Variants in STIMATE observed in about 807,000 individuals in gnomAD.
STIMATE encodes the protein STIM activating enhancer, also known as store-operated calcium entry regulator STIMATE.
STIMATE carries 15 observed loss-of-function variants against 36.7 expected under a neutral mutation model. The ratio of observed to expected loss-of-function variants is 0.41; its 90% CI spans 0.27 to 0.63. The LOEUF (loss-of-function observed/expected upper bound fraction) is 0.63, where lower values mean the gene tolerates loss of function less well. STIMATE is among the 20% of genes least tolerant of loss of function. The pLI is 0.32. For synonymous variants in STIMATE, 163 were observed against 162.3 expected (o/e 1.00, Z -0.03); for missense variants, 305 against 397.3 (o/e 0.77, Z 1.98).
chr3:52,850,455 C>T (rs998661428), intron 3 of STIMATE, among the ~76,000 whole-genome samples: 2 of 38,692 alleles, frequency 5.2e-5, no homozygotes, highest in African/African-American at 1.1e-4. Context: ...AAACAAAAAC[C>T]TGCCAGTGCT....
chr3:52,888,376 C>T (rs553439446), intron 1 of STIMATE, among the ~76,000 whole-genome samples: 3 of 152,356 alleles, frequency 2.0e-5, no homozygotes, highest in African/African-American at 7.2e-5. Context: ...ACTGGATGCA[C>T]ATAAACTGAG....
intron 1 of STIMATE, among the ~76,000 whole-genome samples, chr3:52,876,841 G>A (rs994139972): frequency 6.6e-6 from 1 of 152,200 alleles, no homozygotes; most frequent in Non-Finnish European, 1.5e-5. Context: ...TGGGGAGTCA[G>A]AAGTTATATG....
At chr3:52,886,593 G>T (rs1040396915) in intron 1 of STIMATE, among the ~76,000 whole-genome samples, 1 of 152,228 alleles carries the variant, frequency 6.6e-6, no homozygotes, top group African/African-American at 2.4e-5. Flanking sequence ...TCAAAAACTG[G>T]CTGGAGGACC....
intron 1 of STIMATE, among the ~76,000 whole-genome samples, chr3:52,881,079 C>T (rs542102060): frequency 3.3e-5 from 5 of 151,666 alleles, no homozygotes; most frequent in Admixed American, 2.0e-4. Flanking sequence ...CCCAGCTACT[C>T]GGGAGGCTGA....
rs750221962 is a variant in STIMATE, at chr3:52,897,325, C to G, written c.126G>C (p.Gly42=). The G allele has an allele frequency of 3.5e-5, 55 of 1,552,562 alleles. No individual in the cohort carries two copies. Among genetic ancestry groups the G allele is most frequent in the Non-Finnish European group, 4.3e-5 (50 of 1,156,984 alleles). The change falls in exon 1 of 8, where the codon GGG becomes GGC. Residue 42 remains glycine, a synonymous_variant. Coordinates refer to ENST00000355083, the MANE Select transcript of STIMATE (RefSeq NM_198563.5). The part of the protein sequence containing the change: ...LMHSFGIFLQ[G]LLGVVAFSTL... Reference sequence around the variant, plus strand: ...TGCTGAAGGCCACGACGCCGAGCAGCCCCTGCAGGAAGATGCCGAAGCTGT... The same window carrying G: ...TGCTGAAGGCCACGACGCCGAGCAGGCCCTGCAGGAAGATGCCGAAGCTGT...
At chr3:52,897,127 G>A (rs559228112) in intron 1 of STIMATE, among the ~76,000 whole-genome samples, 164 bp downstream of exon 1, 1 of 152,282 alleles carries the variant, frequency 6.6e-6, no homozygotes, top group African/African-American at 2.4e-5. Context: ...GAGTAGGTGA[G>A]GGGCTCGGGC....
intron 1 of STIMATE, among the ~76,000 whole-genome samples, chr3:52,894,760 C>T (rs1032503229): frequency 6.6e-6 from 1 of 152,160 alleles, no homozygotes; most frequent in African/African-American, 2.4e-5. Context: ...ATAGTGTTGG[C>T]CATCAGGACT....
At position 52,857,277 on chromosome 3, in the gene STIMATE, T is replaced by A. The variant is rs138629254; in HGVS notation, c.161-1833A>T. On this transcript the variant is annotated intron_variant, in intron 1 of 7. Coordinates refer to ENST00000355083, the MANE Select transcript of STIMATE (RefSeq NM_198563.5). ...AAGTTGTGAGGAGGTCTGTCATCTC[T>A]TTGACACATCACAGATCCCAAACCT... Among the ~76,000 whole-genome samples the A allele has an allele frequency of 6.4e-4, 97 of 152,320 alleles. 2 individuals are homozygous for A. The East Asian group carries it at 0.018, about 29-fold the overall frequency.
chr3:52,893,789 C>T (rs1177659107), intron 1 of STIMATE, among the ~76,000 whole-genome samples: 3 of 152,230 alleles, frequency 2.0e-5, no homozygotes, highest in Non-Finnish European at 4.4e-5. Context: ...TTTATCCAAG[C>T]TCTCAAAATG....
chr3:52,880,778 T>G (rs756586418), intron 1 of STIMATE, among the ~76,000 whole-genome samples: 9 of 152,226 alleles, frequency 5.9e-5, no homozygotes, highest in Non-Finnish European at 1.0e-4. Context: ...TATTAGCTTC[T>G]GTTTGACTCC....
At chr3:52,841,957 G>C (rs1248649203) in intron 7 of STIMATE, among the ~76,000 whole-genome samples, 3 of 152,222 alleles carry the variant, frequency 2.0e-5, no homozygotes, top group Non-Finnish European at 1.5e-5. Context: ...CAAGCACCTA[G>C]AGAAGACACG....
intron 1 of STIMATE, among the ~76,000 whole-genome samples, chr3:52,887,309 T>C (rs965932304): frequency 6.6e-6 from 1 of 152,158 alleles, no homozygotes; most frequent in East Asian, 1.9e-4. Flanking sequence ...GCAGCAAACT[T>C]GGACTGGAGG....
At chr3:52,842,314 C>T (rs1700811748) in intron 7 of STIMATE, among the ~76,000 whole-genome samples, 1 of 152,210 alleles carries the variant, frequency 6.6e-6, no homozygotes, top group South Asian at 2.1e-4. Flanking sequence ...GAGGTCCAAA[C>T]CCTTGAACTC....
At chr3:52,880,272 C>T (rs532688593) in intron 1 of STIMATE, among the ~76,000 whole-genome samples, 122 of 152,348 alleles carry the variant, frequency 8.0e-4, no homozygotes, top group African/African-American at 2.9e-3. Context: ...CACCAAGCCA[C>T]CTGCAGGAGA....
intron 4 of STIMATE, chr3:52,847,309 G>A: frequency 1.7e-6 from 2 of 1,189,402 alleles, no homozygotes; most frequent in Non-Finnish European, 1.1e-6. Flanking sequence ...CAGCAATAGG[G>A]GCCAAAAGGA....
chr3:52,880,131 T>C (rs1421334383), intron 1 of STIMATE, among the ~76,000 whole-genome samples: 1 of 152,130 alleles, frequency 6.6e-6, no homozygotes, highest in Non-Finnish European at 1.5e-5. Flanking sequence ...CAAGCATAGT[T>C]CATGAGATCC....
chr3:52,878,088 C>A (rs551363683), intron 1 of STIMATE, among the ~76,000 whole-genome samples: 1 of 147,762 alleles, frequency 6.8e-6, no homozygotes, highest in African/African-American at 2.5e-5. Flanking sequence ...AGCAAGACTC[C>A]GTCTTAAAAA....
chr3:52,847,079 A>C, intron 4 of STIMATE: 1 of 332,540 alleles, frequency 3.0e-6, no homozygotes, highest in Non-Finnish European at 4.3e-6. Context: ...ATTAAAAAAA[A>C]TTTTTTTTTT....
rs80115410 is a variant in STIMATE, at chr3:52,839,407, C to T, written c.*1087G>A. The T allele has an allele frequency of 4.5e-3, 690 of 152,394 alleles. 5 individuals carry two copies. The highest frequency in any genetic ancestry group is 0.016 in the African/African-American group (658 of 41,590). The allele number at this position is 152,394 out of a possible 1,614,324, so 9.4% of individuals were successfully genotyped here. A position where few individuals can be genotyped will look rare whatever the true frequency, so the allele number is the denominator to read the frequency against. Reference sequence around the variant, plus strand: ...CTGGGAGGCCAAGACCACTTTAAACCGTGATTGGAGGCTCTGCAGACAGGC... The same window carrying T: ...CTGGGAGGCCAAGACCACTTTAAACTGTGATTGGAGGCTCTGCAGACAGGC... On this transcript the variant is annotated 3_prime_UTR_variant, in exon 8 of 8. Transcript: ENST00000355083.
Sources: allele counts gnomAD v4.1 joint callset (sites outside exome capture counted in the v4.1 genomes callset), GRCh38; gene constraint gnomAD v4.1.1; transcripts MANE v1.5; gene names NCBI Gene and HGNC (gene_info 2026-07-23, HGNC 2026-07-21).